The following CA10 variants were observed in gnomAD, a reference collection of about 807,000 sequenced individuals.
CA10 encodes the protein carbonic anhydrase 10 (inactive).
A neutral mutation model predicts 44.2 loss-of-function variants in CA10; 14 were observed. The ratio of observed to expected loss-of-function variants is 0.32; its 90% CI spans 0.21 to 0.50. The LOEUF (loss-of-function observed/expected upper bound fraction) is 0.50. Ranked by LOEUF, CA10 falls within the 20% of genes least tolerant of loss-of-function variation. The pLI, the probability that CA10 is intolerant of heterozygous loss-of-function variation, is 0.99. For synonymous variants in CA10, 159 were observed against 141.6 expected, an observed-to-expected ratio of 1.12 and a Z score of -0.87; for missense variants, 350 against 409.7, an observed-to-expected ratio of 0.85 and a Z score of 1.26.
intron 2 of CA10, among the ~76,000 whole-genome samples, chr17:51,999,323 G>A (rs972033164): frequency 4.6e-5 from 7 of 152,008 alleles, no homozygotes; most frequent in African/African-American, 7.2e-5. Context: ...CACAGGTATT[G>A]AAAATGAAGG....
chr17:51,784,893 C>A (rs1256589985), intron 3 of CA10, among the ~76,000 whole-genome samples: 1 of 152,092 alleles, frequency 6.6e-6, no homozygotes, highest in Non-Finnish European at 1.5e-5. Context: ...TTTTTTGTAT[C>A]CCTTAACCAT....
Position 51,741,944 on chromosome 17 carries a change from T to C in CA10, c.465+5689A>G, listed in dbSNP as rs370361447. On this transcript the variant is annotated intron_variant, in intron 4 of 8. Transcript: ENST00000451037. ...AGCTAAAAAGGCCAGGTAGTAAATA[T>C]TTTGGCTTCTGCAAGCTGCATGTGG... 6.6e-5 allele frequency among the ~76,000 whole-genome samples: 10 copies of C among 152,334 alleles called. No homozygotes were observed. The South Asian group carries it at 2.1e-3, about 32-fold the overall frequency.
At chr17:52,046,963 C>T (rs1223267397) in intron 2 of CA10, among the ~76,000 whole-genome samples, 1 of 151,886 alleles carries the variant, frequency 6.6e-6, no homozygotes, top group African/African-American at 2.4e-5. Flanking sequence ...TGCAGCAATT[C>T]CTCTCCTAGG....
At chr17:51,906,517 C>T (rs1202853376) in intron 3 of CA10, among the ~76,000 whole-genome samples, 2 of 152,084 alleles carry the variant, frequency 1.3e-5, no homozygotes, top group Non-Finnish European at 2.9e-5. Context: ...CAATTCTTAG[C>T]CCTCTTTTCT....
chr17:51,634,807 C>A (rs1023508518), intron 7 of CA10, among the ~76,000 whole-genome samples: 1 of 152,228 alleles, frequency 6.6e-6, no homozygotes, highest in Non-Finnish European at 1.5e-5. Context: ...ACAATGGAAT[C>A]TATTTAACTT....
chr17:52,003,366 C>T (rs1042198429), intron 2 of CA10, among the ~76,000 whole-genome samples: 11 of 151,950 alleles, frequency 7.2e-5, no homozygotes, highest in African/African-American at 2.2e-4. Flanking sequence ...TTATCATCTC[C>T]CTACAAGCAA....
intron 2 of CA10, among the ~76,000 whole-genome samples, chr17:51,970,978 A>G (rs1391369543): frequency 1.3e-5 from 2 of 152,062 alleles, no homozygotes; most frequent in Non-Finnish European, 2.9e-5. Context: ...TGCCCTGACC[A>G]TTCCATATTT....
chr17:51,775,658 C>T (rs1905790915), intron 3 of CA10, among the ~76,000 whole-genome samples: 1 of 152,074 alleles, frequency 6.6e-6, no homozygotes, highest in African/African-American at 2.4e-5. Flanking sequence ...ATGAAATGCA[C>T]AATTACATGG....
chr17:51,806,972 T>C (rs917485003), intron 3 of CA10, among the ~76,000 whole-genome samples: 3 of 152,234 alleles, frequency 2.0e-5, no homozygotes, highest in South Asian at 2.1e-4. Context: ...CAGGGGATCA[T>C]GTAACAGGCT....
rs1315658638 is a variant in CA10 at position 51,653,605 on chromosome 17, G to C, written c.561+36C>G. On this transcript the variant is annotated intron_variant, in intron 5 of 8. Transcript: ENST00000451037. ...AAATTGGTATTCTGATTGAGGTGGG[G>C]ATGGTGAGAAGAATGAAGGAATGCA... 1.2e-5 allele frequency: 13 copies of C among 1,057,630 alleles called. No homozygotes were observed. The East Asian group carries it at 3.1e-4, about 25-fold the overall frequency. 65.5% of individuals were successfully genotyped at this position (1,057,630 alleles called of 1,614,324 possible).
chr17:51,706,552 G>C (rs1229653692), intron 4 of CA10, among the ~76,000 whole-genome samples: 1 of 152,216 alleles, frequency 6.6e-6, no homozygotes, highest in African/African-American at 2.4e-5. Flanking sequence ...AGGCCTGCCT[G>C]CCGGGGCCTT....
intron 4 of CA10, among the ~76,000 whole-genome samples, chr17:51,666,216 T>C (rs930853841): frequency 6.6e-6 from 1 of 152,140 alleles, no homozygotes; most frequent in Non-Finnish European, 1.5e-5. Flanking sequence ...AGGAGGCACA[T>C]ATGCAAGTGT....
At chr17:52,031,080 A>G (rs1311651564) in intron 2 of CA10, among the ~76,000 whole-genome samples, 3 of 152,092 alleles carry the variant, frequency 2.0e-5, no homozygotes, top group Non-Finnish European at 4.4e-5. Flanking sequence ...GAACCCTAAT[A>G]GAGGTATACA....
chr17:52,014,965 A>G (rs992726355), intron 2 of CA10, among the ~76,000 whole-genome samples: 1 of 151,068 alleles, frequency 6.6e-6, no homozygotes. Flanking sequence ...CTTAAGATCA[A>G]ATAAATAAAC....
Position 51,753,841 on chromosome 17 carries a change from C to A in CA10, c.280-6023G>T, listed in dbSNP as rs1201302467. Among the ~76,000 whole-genome samples the A allele has an allele frequency of 2.6e-5, 4 of 151,974 alleles. No individual in the cohort carries two copies. In the East Asian group the frequency reaches 5.8e-4, roughly 22 times the overall value. On this transcript the variant is annotated intron_variant, in intron 3 of 8. Transcript: ENST00000451037. ...AACCACTGGAAATTATTAGGTTGTG[C>A]AGTTTTTGTTTCTGTTTTTTGATAC...
intron 2 of CA10, among the ~76,000 whole-genome samples, chr17:52,070,899 A>G (rs558971514): frequency 6.6e-6 from 1 of 152,302 alleles, no homozygotes; most frequent in South Asian, 2.1e-4. Context: ...GGTTGTACTA[A>G]CTTAGCAAGA....
intron 2 of CA10, among the ~76,000 whole-genome samples, chr17:52,032,117 C>A (rs532558536): frequency 3.3e-5 from 5 of 152,238 alleles, no homozygotes; most frequent in Non-Finnish European, 7.4e-5. Context: ...CTATGCTTAC[C>A]CACTATCACT....
At chr17:51,775,692 G>A (rs918874346) in intron 3 of CA10, among the ~76,000 whole-genome samples, 1 of 152,164 alleles carries the variant, frequency 6.6e-6, no homozygotes, top group Non-Finnish European at 1.5e-5. Flanking sequence ...GCAAAGAAGC[G>A]TGGGATGCTG....
At chr17:51,952,785 G>C (rs1983534069) in intron 2 of CA10, among the ~76,000 whole-genome samples, 2 of 152,080 alleles carry the variant, frequency 1.3e-5, no homozygotes, top group African/African-American at 4.8e-5. Context: ...CTCTGCTCTG[G>C]TGCTTTCCAA....
Sources: gnomAD v4.1 joint callset for allele counts (sites outside exome capture counted in the v4.1 genomes callset) on GRCh38, gnomAD v4.1.1 for gene constraint, MANE v1.5 for transcripts, NCBI Gene and HGNC (gene_info 2026-07-23, HGNC 2026-07-21) for gene names.